The following CNBD1 variants were observed in gnomAD, a reference collection of about 807,000 sequenced individuals.
CNBD1 encodes cyclic nucleotide-binding domain-containing protein 1.
Under a neutral mutation model 54.4 loss-of-function variants are expected in CNBD1, and 71 were observed. That is an observed-to-expected ratio of 1.30 (90% CI 1.08 to 1.59). CNBD1 has a LOEUF of 1.59. Among genes scored for constraint, CNBD1 ranks in the 40% most tolerant of loss-of-function variants. The pLI is 0.00. For synonymous variants in CNBD1, 182 were observed against 170.7 expected (o/e 1.07, Z -0.51); for missense variants, 659 against 518.0 (o/e 1.27, Z -2.64).
In CNBD1 at chr8:87,326,234, A is replaced by T. The variant is rs1297141485; in HGVS notation, c.1043-25451A>T. ...CGACCTTTCTCTCTGGCTGCCCTTA[A>T]CATTTTTTCCTTCATTTCAACTTTG... On this transcript the variant is annotated intron_variant, in intron 8 of 10. Coordinates refer to ENST00000518476, the MANE Select transcript of CNBD1 (RefSeq NM_173538.3). Among the ~76,000 whole-genome samples the T allele has an allele frequency of 4.9e-5, 6 of 122,388 alleles. 1 individual carries two copies. The highest frequency in any genetic ancestry group is 4.8e-4 in the Admixed American group (6 of 12,568). The allele number at this position is 122,388 out of a possible 152,430, so 80.3% of individuals were successfully genotyped here. A position where few individuals can be genotyped will look rare whatever the true frequency, so the allele number is the denominator to read the frequency against.
At chr8:87,382,903 A>G, downstream of CNBD1, 1 of 308,432 alleles carries the variant, frequency 3.2e-6, no homozygotes, top group Non-Finnish European at 5.7e-6. Context: ...TTCGGTATAC[A>G]TGTAAAGTAG....
At chr8:87,235,420 T>C (rs1175616858) in intron 5 of CNBD1, among the ~76,000 whole-genome samples, 1 of 152,156 alleles carries the variant, frequency 6.6e-6, no homozygotes, top group African/African-American at 2.4e-5. Flanking sequence ...CACATGACTC[T>C]TCCTTTGACT....
At chr8:87,320,074 T>C (rs1024071226) in intron 8 of CNBD1, among the ~76,000 whole-genome samples, 1 of 152,030 alleles carries the variant, frequency 6.6e-6, no homozygotes, top group African/African-American at 2.4e-5. Flanking sequence ...AACAAAAATA[T>C]ATTGAGTGTC....
At chr8:87,107,597 G>A (rs912490329) in intron 4 of CNBD1, among the ~76,000 whole-genome samples, 2 of 152,206 alleles carry the variant, frequency 1.3e-5, no homozygotes, top group Non-Finnish European at 2.9e-5. Context: ...ATATGTTTCA[G>A]AAAGGTAGAA....
intron 8 of CNBD1, among the ~76,000 whole-genome samples, chr8:87,330,041 C>G (rs926464491): frequency 4.0e-5 from 6 of 151,834 alleles, no homozygotes; most frequent in Admixed American, 1.3e-4. Context: ...TGTAGATATT[C>G]TATATCAATT....
At position 86,891,851 on chromosome 8, in the gene CNBD1, T is replaced by C. The variant is rs183607596; in HGVS notation, c.158+4240T>C. On this transcript the variant is annotated intron_variant, in intron 2 of 10. Coordinates refer to ENST00000518476, the MANE Select transcript of CNBD1 (RefSeq NM_173538.3). ...TTGCTATAGTAAATAGAATTATTTT[T>C]CTAGGATTTTTTTGGGTGGTTTGTA... Among the ~76,000 whole-genome samples the C allele has an allele frequency of 1.1e-4, 16 of 152,168 alleles. No individual in the cohort carries two copies. The East Asian group carries it at 3.1e-3, about 29-fold the overall frequency.
At chr8:87,324,471 C>T (rs1485770086) in intron 8 of CNBD1, among the ~76,000 whole-genome samples, 7 of 147,536 alleles carry the variant, frequency 4.7e-5, no homozygotes, top group African/African-American at 1.5e-4. Flanking sequence ...ATTATTGCCC[C>T]AATTTCAGCT....
chr8:87,332,555 C>T (rs1158724527), intron 8 of CNBD1, among the ~76,000 whole-genome samples: 4 of 152,034 alleles, frequency 2.6e-5, no homozygotes, highest in African/African-American at 9.7e-5. Flanking sequence ...TTAATTTTTG[C>T]ATAAGGTTTA....
intron 4 of CNBD1, among the ~76,000 whole-genome samples, chr8:87,054,595 A>G (rs562608876): frequency 6.6e-6 from 1 of 152,212 alleles, no homozygotes; most frequent in Non-Finnish European, 1.5e-5. Flanking sequence ...ATTGCATTCA[A>G]AGAAGGAATA....
chr8:87,266,436 A>AAC, intron 6 of CNBD1, among the ~76,000 whole-genome samples: 1 of 76,222 alleles, frequency 1.3e-5, no homozygotes, highest in Non-Finnish European at 3.1e-5. Flanking sequence ...AAAAAAAAAA[A>AAC]TCTTTTTTTT....
chr8:86,906,240 A>C (rs894170943), intron 3 of CNBD1, among the ~76,000 whole-genome samples: 1 of 152,222 alleles, frequency 6.6e-6, no homozygotes, highest in East Asian at 1.9e-4. Context: ...AGGGGTTGGA[A>C]GATATCAGCA....
In CNBD1 at chr8:87,378,473, G is replaced by A. The variant is rs192949286; in HGVS notation, c.1304-4147G>A. On this transcript the variant is annotated intron_variant, in intron 10 of 10. Coordinates refer to ENST00000518476, the MANE Select transcript of CNBD1 (RefSeq NM_173538.3). ...AAGATCAGATAGTTGTAGATATGTG[G>A]CATTATTTCTGAGGGCTCCATTCTG... 9.9e-3 allele frequency among the ~76,000 whole-genome samples: 1,496 copies of A among 151,024 alleles called. 77 individuals are homozygous for A. Among genetic ancestry groups the A allele is most frequent in the African/African-American group, 0.034 (1,375 of 40,512 alleles).
intron 3 of CNBD1, among the ~76,000 whole-genome samples, chr8:86,917,043 G>A (rs1057462202): frequency 1.3e-5 from 2 of 151,842 alleles, no homozygotes; most frequent in Admixed American, 1.3e-4. Flanking sequence ...GCTAATTTAT[G>A]TATTTTTTAG....
chr8:87,002,055 A>T (rs1809003880), intron 4 of CNBD1, among the ~76,000 whole-genome samples: 1 of 152,188 alleles, frequency 6.6e-6, no homozygotes, highest in Non-Finnish European at 1.5e-5. Context: ...ACTTTTCTAT[A>T]GAAATGTTAT....
chr8:87,024,004 G>A (rs7018085), intron 4 of CNBD1, among the ~76,000 whole-genome samples: 9 of 151,982 alleles, frequency 5.9e-5, no homozygotes, highest in African/African-American at 1.9e-4. Context: ...TTGGGAGGCC[G>A]AGGCGGGTGG....
chr8:87,416,950 G>C (rs1173882443), intron 2 of CNBD1, among the ~76,000 whole-genome samples: 1 of 151,974 alleles, frequency 6.6e-6, no homozygotes, highest in East Asian at 1.9e-4. Flanking sequence ...CAGAAATGCA[G>C]TCTGTATCTG....
At chr8:87,093,262 G>A (rs1811253931) in intron 4 of CNBD1, among the ~76,000 whole-genome samples, 2 of 152,080 alleles carry the variant, frequency 1.3e-5, no homozygotes, top group Non-Finnish European at 2.9e-5. Flanking sequence ...ACCTTTGTGC[G>A]GCAACGGACA....
chr8:86,956,357 A>G (rs1359520463), intron 4 of CNBD1, among the ~76,000 whole-genome samples: 2 of 152,106 alleles, frequency 1.3e-5, no homozygotes, highest in Non-Finnish European at 2.9e-5. Flanking sequence ...GTTTTTTCCA[A>G]TTCTGTGAAG....
intron 4 of CNBD1, among the ~76,000 whole-genome samples, chr8:87,004,744 A>T (rs902690157): frequency 1.3e-5 from 2 of 152,138 alleles, no homozygotes; most frequent in Non-Finnish European, 2.9e-5. Context: ...GAAGGAACCT[A>T]AAACTAGGTT....
Sources: gnomAD v4.1 joint callset for allele counts (sites outside exome capture counted in the v4.1 genomes callset) on GRCh38, gnomAD v4.1.1 for gene constraint, MANE v1.5 for transcripts, NCBI Gene and HGNC (gene_info 2026-07-23, HGNC 2026-07-21) for gene names.